Variants in ABCG1 observed in about 807,000 individuals in gnomAD.
ABCG1 encodes the protein ATP binding cassette subfamily G member 1, also known as ATP-binding cassette sub-family G member 1.
A neutral mutation model predicts 69.2 loss-of-function variants in ABCG1; 29 were observed. The ratio of observed to expected loss-of-function variants is 0.42; its 90% CI spans 0.31 to 0.57. The LOEUF (loss-of-function observed/expected upper bound fraction) is 0.57. ABCG1 is among the 20% of genes least tolerant of loss of function. The pLI, the probability that ABCG1 is intolerant of heterozygous loss-of-function variation, is 0.15. For synonymous variants in ABCG1, 370 were observed against 374.8 expected (o/e 0.99, Z 0.15); for missense variants, 718 against 898.1 (o/e 0.80, Z 2.56).
At chr21:42,269,243 A>C (rs568510269) in intron 2 of ABCG1, among the ~76,000 whole-genome samples, 1 of 152,248 alleles carries the variant, frequency 6.6e-6, no homozygotes, top group Non-Finnish European at 1.5e-5. Context: ...TTTCTTGGGG[A>C]TATCGCGTGG....
chr21:42,283,551 C>T (rs1456733680), intron 6 of ABCG1, among the ~76,000 whole-genome samples: 3 of 152,192 alleles, frequency 2.0e-5, no homozygotes, highest in African/African-American at 7.2e-5. Flanking sequence ...GGGTGATGCC[C>T]CCATCGCCAG....
intron 2 of ABCG1, among the ~76,000 whole-genome samples, chr21:42,228,178 G>A (rs1157556686): frequency 2.0e-5 from 3 of 152,180 alleles, no homozygotes; most frequent in African/African-American, 4.8e-5. Context: ...CAGCCCGGGC[G>A]GGGTGGCCAC....
chr21:42,261,757 T>C (rs2068418594), intron 2 of ABCG1, among the ~76,000 whole-genome samples: 1 of 152,260 alleles, frequency 6.6e-6, no homozygotes, highest in South Asian at 2.1e-4. Context: ...GGATGGCCTC[T>C]TGTCCCTGCT....
At chr21:42,271,323 C>T in intron 3 of ABCG1, 136 bp downstream of exon 3, 1 of 526,426 alleles carries the variant, frequency 1.9e-6, no homozygotes, top group Non-Finnish European at 3.2e-6. Flanking sequence ...GAGAGAGTGA[C>T]ATTGAGAGGC....
chr21:42,292,208 A>G (rs994526401), intron 13 of ABCG1, among the ~76,000 whole-genome samples: 1 of 152,010 alleles, frequency 6.6e-6, no homozygotes, highest in Non-Finnish European at 1.5e-5. Context: ...GGACAAAAGC[A>G]GTGTTCCTGG....
upstream of ABCG1, among the ~76,000 whole-genome samples, chr21:42,217,292 A>G (rs1048312373): frequency 6.6e-6 from 1 of 152,096 alleles, no homozygotes; most frequent in African/African-American, 2.4e-5. Flanking sequence ...AGTGAGGAGG[A>G]TGGATATTGG....
chr21:42,229,072 C>G (rs888837543), intron 2 of ABCG1, among the ~76,000 whole-genome samples: 3 of 152,216 alleles, frequency 2.0e-5, no homozygotes, highest in African/African-American at 7.2e-5. Flanking sequence ...ATGGGTTCCT[C>G]CTGCTCCTGC....
At chr21:42,268,273 T>C (rs1262876778) in intron 2 of ABCG1, among the ~76,000 whole-genome samples, 1 of 152,034 alleles carries the variant, frequency 6.6e-6, no homozygotes, top group Non-Finnish European at 1.5e-5. Context: ...CGGGGTGGGA[T>C]GGTCGCATCT....
chr21:42,227,984 G>A (rs563423105), intron 2 of ABCG1, among the ~76,000 whole-genome samples: 47 of 152,296 alleles, frequency 3.1e-4, no homozygotes, highest in Middle Eastern at 3.4e-3. Context: ...CCCTTGACAC[G>A]TGGGGATTAC....
rs534879183 is a variant in ABCG1, at chr21:42,287,360, C to T, written c.974-529C>T. On this transcript the variant is annotated intron_variant, in intron 8 of 14. Coordinates refer to ENST00000398449, the MANE Select transcript of ABCG1 (RefSeq NM_016818.3). The surrounding 1 kb of genome is among the most constrained non-coding windows in gnomAD (Gnocchi z 6.2). Reference sequence around the variant, plus strand: ...GGGCAGGGCCGGTGCAGGAGACGCTCACTGGGATCTGAGAGGTGCAGGTTG... The same window carrying T: ...GGGCAGGGCCGGTGCAGGAGACGCTTACTGGGATCTGAGAGGTGCAGGTTG... Among the ~76,000 whole-genome samples the T allele has an allele frequency of 9.8e-5, 15 of 152,300 alleles. 1 individual carries two copies. Among genetic ancestry groups the T allele is most frequent in the African/African-American group, 3.6e-4 (15 of 41,566 alleles).
At position 42,296,185 on chromosome 21, in the gene ABCG1, C is replaced by A; in HGVS notation, c.1794C>A (p.Ile598=). Residue 598 remains isoleucine, a synonymous_variant, in exon 15 of 15, where the codon ATC becomes ATA. Coordinates refer to ENST00000398449, the MANE Select transcript of ABCG1 (RefSeq NM_016818.3). This position sits in a 1 kb window ranked among gnomAD's most constrained non-coding sequence, Gnocchi z 5.4. ...CTAGGTATGGGTTCGAAGGGGTCAT[C>A]CTCTCCATCTATGGCTTAGACCGGG... ...SYVRYGFEGV[I]LSIYGLDRED... 6.2e-7 allele frequency: 1 copy of A among 1,614,100 alleles called. No individual in the cohort carries two copies. The highest frequency in any genetic ancestry group is 8.5e-7 in the Non-Finnish European group (1 of 1,180,014).
At chr21:42,223,307 T>C (rs971666386) in intron 1 of ABCG1, among the ~76,000 whole-genome samples, 1 of 152,206 alleles carries the variant, frequency 6.6e-6, no homozygotes, top group African/African-American at 2.4e-5. Flanking sequence ...TAAGATTCTA[T>C]TTCTGCAGAA....
intron 2 of ABCG1, among the ~76,000 whole-genome samples, chr21:42,252,676 G>T (rs1187126525): frequency 9.2e-5 from 14 of 152,164 alleles, no homozygotes; most frequent in Admixed American, 9.2e-4. Context: ...AAAGGTGCTT[G>T]GAAGGACAAG....
intron 13 of ABCG1, among the ~76,000 whole-genome samples, chr21:42,294,268 T>C (rs1461915954): frequency 3.3e-5 from 5 of 152,034 alleles, no homozygotes; most frequent in Non-Finnish European, 5.9e-5. Context: ...TGTCCCCACC[T>C]CTCTGGCCTG....
chr21:42,228,506 A>T (rs546762601), intron 2 of ABCG1, among the ~76,000 whole-genome samples: 38 of 152,056 alleles, frequency 2.5e-4, no homozygotes, highest in African/African-American at 9.2e-4. Context: ...ATGGTTTATC[A>T]CTCCAGCACA....
chr21:42,228,021 C>A (rs2067844765), intron 2 of ABCG1, among the ~76,000 whole-genome samples: 1 of 152,178 alleles, frequency 6.6e-6, no homozygotes, highest in Admixed American at 6.5e-5. Context: ...TGGGTGGGGA[C>A]ACAGAGCCAA....
chr21:42,219,888 G>T lies in ABCG1; in HGVS notation c.42+584G>T. On this transcript the variant is annotated intron_variant, in intron 1 of 14. Transcript: ENST00000398449. The surrounding 1 kb of genome is among the most constrained non-coding windows in gnomAD (Gnocchi z 5.3). ...CTCGGGGAGGCGGCGGCGAAGGCCCGGGGAGACCCGCGAGGGGCAAGCCCG... is the reference window on the plus strand; with the variant it reads ...CTCGGGGAGGCGGCGGCGAAGGCCCTGGGAGACCCGCGAGGGGCAAGCCCG... 6.5e-7 allele frequency: 1 copy of T among 1,543,872 alleles called. No individual in the cohort carries two copies. The highest frequency in any genetic ancestry group is 1.2e-5 in the South Asian group (1 of 83,740).
chr21:42,200,901 TG>T (rs1190080601), intron 1 of ABCG1, among the ~76,000 whole-genome samples: 2 of 152,180 alleles, frequency 1.3e-5, no homozygotes, highest in East Asian at 1.9e-4. Flanking sequence ...CTGTGTTTTT[TG>T]TATTTTGTTT....
upstream of ABCG1, chr21:42,216,139 G>A: frequency 2.2e-6 from 1 of 452,182 alleles, no homozygotes; most frequent in East Asian, 7.0e-5. Flanking sequence ...TGTGAGACAT[G>A]CCTTTCACCT....
Sources: gnomAD v4.1 joint callset for allele counts (sites outside exome capture counted in the v4.1 genomes callset) on GRCh38, gnomAD v4.1.1 for gene constraint, Gnocchi (gnomAD v3.1) non-coding constraint, MANE v1.5 for transcripts, NCBI Gene and HGNC (gene_info 2026-07-23, HGNC 2026-07-21) for gene names.